ANKRD17: variants seen among roughly 807,000 people sequenced by gnomAD.
The protein encoded by ANKRD17 is ankyrin repeat domain-containing protein 17.
A neutral mutation model predicts 229.7 loss-of-function variants in ANKRD17; 19 were observed. The ratio of observed to expected loss-of-function variants is 0.08; its 90% confidence interval spans 0.06 to 0.12. ANKRD17 has a LOEUF of 0.12. ANKRD17 is among the 10% of genes least tolerant of loss of function. ANKRD17 has a pLI of 1.00. For synonymous variants in ANKRD17, 1,112 were observed against 1,146.1 expected (o/e 0.97, Z 0.60); for missense variants, 2,176 against 3,176.8 (o/e 0.68, Z 7.57).
intron 2 of ANKRD17, among the ~76,000 whole-genome samples, chr4:73,173,858 C>T (rs964930894): frequency 6.6e-6 from 1 of 152,066 alleles, no homozygotes; most frequent in Non-Finnish European, 1.5e-5. Context: ...TCTGATAGGG[C>T]CCTCAGGGAA....
chr4:73,143,268 A>C (rs1729831125), intron 11 of ANKRD17, among the ~76,000 whole-genome samples: 1 of 152,158 alleles, frequency 6.6e-6, no homozygotes, highest in Non-Finnish European at 1.5e-5. Flanking sequence ...CCTATTCCCA[A>C]ATAGGAATGT....
rs1464918629 is a variant in ANKRD17 at position 73,116,160 on chromosome 4, T to TA, written c.4189-245dup. Among the ~76,000 whole-genome samples, 5 of 111,426 alleles carry TA rather than the reference T, an allele frequency of 4.5e-5. No homozygotes were observed. The South Asian group carries it at 8.1e-4, about 18-fold the overall frequency. 73.1% of individuals were successfully genotyped at this position (111,426 alleles called of 152,430 possible). A position where few individuals can be genotyped will look rare whatever the true frequency, so the allele number is the denominator to read the frequency against. Reference sequence around the variant, plus strand: ...AGCTAAAATTCTAAACAACTCTGAATAAAAAAAACAATAATCCCAAAATCA... The same window carrying TA: ...AGCTAAAATTCTAAACAACTCTGAATAAAAAAAAACAATAATCCCAAAATCA... On this transcript the variant is annotated intron_variant, in intron 22 of 33. Coordinates refer to ENST00000358602, the MANE Select transcript of ANKRD17 (RefSeq NM_032217.5).
chr4:73,148,162 C>A (rs1042392246), intron 8 of ANKRD17, among the ~76,000 whole-genome samples: 1 of 152,174 alleles, frequency 6.6e-6, no homozygotes, highest in Non-Finnish European at 1.5e-5. Flanking sequence ...GTCAACATTA[C>A]TTCTAAATAA....
chr4:73,108,980 T>G (rs1307230004), intron 24 of ANKRD17, among the ~76,000 whole-genome samples: 1 of 152,144 alleles, frequency 6.6e-6, no homozygotes, highest in Non-Finnish European at 1.5e-5. Context: ...TAGGATCTGG[T>G]ACACAATGAA....
intron 11 of ANKRD17, among the ~76,000 whole-genome samples, chr4:73,143,644 CT>C (rs1453300860): frequency 1.2e-4 from 18 of 152,148 alleles, no homozygotes. Context: ...TTCAAATTTT[CT>C]TTACCTATAA....
intron 1 of ANKRD17, among the ~76,000 whole-genome samples, chr4:73,225,973 C>CT (rs754977999): frequency 0.54 from 50,259 of 92,594 alleles, 16,763 homozygotes; most frequent in African/African-American, 0.7. Context: ...GGCTCTTAAG[C>CT]TTTTTTTTTT....
At position 73,090,778 on chromosome 4, in the gene ANKRD17, G is replaced by A. The variant is rs771646830; in HGVS notation, c.6850C>T (p.Leu2284=). 1 of 1,614,160 alleles carries A rather than the reference G, an allele frequency of 6.2e-7. No individual in the cohort carries two copies. Among genetic ancestry groups the A allele is most frequent in the Non-Finnish European group, 8.5e-7 (1 of 1,180,028 alleles). Residue 2284 remains leucine (L), a synonymous_variant, in exon 29 of 34, where the codon CTA becomes TTA. Coordinates refer to ENST00000358602, the MANE Select transcript of ANKRD17 (RefSeq NM_032217.5). ...VSSQSTPESM[L]SGKSSYLPNS... ...GGCAAATATGAGGATTTTCCTGATAGCATAGATTCTGGTGTTGACTGAGAT... is the reference window on the plus strand; with the variant it reads ...GGCAAATATGAGGATTTTCCTGATAACATAGATTCTGGTGTTGACTGAGAT...
At position 73,158,906 on chromosome 4, in the gene ANKRD17, T is replaced by G. The variant is rs188965576; in HGVS notation, c.704+2286A>C. 2.4e-4 allele frequency among the ~76,000 whole-genome samples: 36 copies of G among 152,364 alleles called. 1 individual carries two copies. The East Asian group carries it at 6.4e-3, about 27-fold the overall frequency. The stretch of plus-strand genomic sequence containing the variant: ...AAGGCTCTCACCAGATGCAGCCCCT[T>G]GACCATGGACTTCTCAGCCTCCATA... On this transcript the variant is annotated intron_variant, in intron 3 of 33. Coordinates refer to ENST00000358602, the MANE Select transcript of ANKRD17 (RefSeq NM_032217.5).
intron 1 of ANKRD17, among the ~76,000 whole-genome samples, chr4:73,240,012 C>G (rs1279246147): frequency 6.6e-6 from 1 of 151,990 alleles, no homozygotes; most frequent in East Asian, 1.9e-4. Context: ...TTAAATTACT[C>G]CTAGTTCATT....
chr4:73,086,707 G>A (rs1458854038), intron 29 of ANKRD17, among the ~76,000 whole-genome samples: 2 of 150,510 alleles, frequency 1.3e-5, no homozygotes, highest in Admixed American at 1.3e-4. Context: ...TCTTGCCTCA[G>A]CCTCCTGAGT....
At chr4:73,209,380 T>A (rs1739948571) in intron 1 of ANKRD17, among the ~76,000 whole-genome samples, 2 of 152,112 alleles carry the variant, frequency 1.3e-5, no homozygotes, top group African/African-American at 4.8e-5. Flanking sequence ...TACGAACAAC[T>A]CTGTCAATTA....
chr4:73,164,771 G>A (rs192406978), intron 2 of ANKRD17, among the ~76,000 whole-genome samples: 55 of 148,260 alleles, frequency 3.7e-4, no homozygotes, highest in Non-Finnish European at 5.2e-4. Flanking sequence ...CAGGCTGGGC[G>A]ACAAAATGAG....
intron 2 of ANKRD17, among the ~76,000 whole-genome samples, chr4:73,164,949 CTATTAAACT>C (rs1733039432): frequency 6.6e-6 from 1 of 150,600 alleles, no homozygotes; most frequent in South Asian, 2.1e-4. Flanking sequence ...ATTACTAACA[CTATTAAACT>C]TATTAAATAT....
chr4:73,144,817 C>T lies in ANKRD17; in HGVS notation c.1885G>A (p.Gly629Ser). The change falls in exon 11 of 34, where the codon GGT becomes AGT. Residue 629 changes from glycine to serine, a missense_variant. By Grantham distance (56) the Gly-to-Ser change is moderately conservative. This residue lies in a region of ANKRD17 where 275 missense variants were observed against 386.9 expected (regional missense o/e 0.71). Transcript: ENST00000358602. Reference sequence around the variant, plus strand: ...GCTTTCATTAAAGGAGTTCTTCCACCTTCAGATTCATGTTCCTGTTTAAAA... The same window carrying T: ...GCTTTCATTAAAGGAGTTCTTCCACTTTCAGATTCATGTTCCTGTTTAAAA... ...AGADLEHESE[G>S]GRTPLMKAAR... is the part of the protein sequence containing the mutation. 6.3e-7 allele frequency: 1 copy of T among 1,597,348 alleles called. No homozygotes were observed. The highest frequency in any genetic ancestry group is 8.5e-7 in the Non-Finnish European group (1 of 1,173,644).
intron 1 of ANKRD17, among the ~76,000 whole-genome samples, chr4:73,232,070 C>A (rs1234449170): frequency 6.6e-6 from 1 of 152,144 alleles, no homozygotes; most frequent in African/African-American, 2.4e-5. Context: ...GTTCTGTGAG[C>A]TGCTCAGTAA....
chr4:73,216,403 G>A (rs917620175), intron 1 of ANKRD17, among the ~76,000 whole-genome samples: 1 of 151,994 alleles, frequency 6.6e-6, no homozygotes, highest in Non-Finnish European at 1.5e-5. Context: ...ATTTTTAACA[G>A]TGAAAAAGAG....
chr4:73,125,262 G>A lies in ANKRD17; in HGVS notation c.3285C>T (p.His1095=), dbSNP rs757970489. 3.1e-5 allele frequency: 50 copies of A among 1,613,590 alleles called. No homozygotes were observed. The highest frequency in any genetic ancestry group is 1.1e-4 in the African/African-American group (8 of 74,750). ...TALTLACAGG[H]EELVQTLLER... ...CTAGCAGTGTTTGTACCAGTTCCTC[G>A]TGGCCACCAGCACAGGCAAGTGTTA... Residue 1095 remains histidine (H), a synonymous_variant, in exon 17 of 34, where the codon CAC becomes CAT. Transcript: ENST00000358602.
In ANKRD17 at chr4:73,074,981, T is replaced by A. The variant is rs1489425320; in HGVS notation, c.*1250A>T. The A allele has an allele frequency of 6.6e-6, 1 of 152,500 alleles. No homozygotes were observed. The highest frequency in any genetic ancestry group is 1.9e-4 in the East Asian group (1 of 5,194). 9.4% of individuals were successfully genotyped at this position (152,500 alleles called of 1,614,324 possible). On this transcript the variant is annotated 3_prime_UTR_variant, in exon 34 of 34. Coordinates refer to ENST00000358602, the MANE Select transcript of ANKRD17 (RefSeq NM_032217.5). The stretch of plus-strand genomic sequence containing the variant: ...TTATAAACAGGTTAAATGGAGACTT[T>A]ACACTGTAATCTGTGTATTTATCTG...
At chr4:73,231,121 A>G (rs949437507) in intron 1 of ANKRD17, among the ~76,000 whole-genome samples, 10 of 152,126 alleles carry the variant, frequency 6.6e-5, no homozygotes, top group Admixed American at 6.5e-4. Flanking sequence ...ATATCTACCA[A>G]CAGAAAGAAA....
Sources: allele counts gnomAD v4.1 joint callset (sites outside exome capture counted in the v4.1 genomes callset), GRCh38; gene constraint gnomAD v4.1.1; regional missense constraint gnomAD v4.1.1; transcripts MANE v1.5; gene names NCBI Gene and HGNC (gene_info 2026-07-23, HGNC 2026-07-21).